Variants in EYS observed in about 807,000 individuals in gnomAD.
EYS encodes protein eyes shut homolog.
A neutral mutation model predicts 282.1 loss-of-function variants in EYS; 250 were observed. That is an observed-to-expected ratio of 0.89 (90% CI 0.80 to 0.98). The LOEUF (loss-of-function observed/expected upper bound fraction) is 0.98. EYS is among the 50% of genes least tolerant of loss of function. The pLI is 0.00. For synonymous variants in EYS, 1,355 were observed against 1,282.9 expected (o/e 1.06, Z -1.20); for missense variants, 4,016 against 3,709.0 (o/e 1.08, Z -2.15).
At chr6:64,345,776 G>C (rs1771361534) in intron 29 of EYS, among the ~76,000 whole-genome samples, 1 of 151,980 alleles carries the variant, frequency 6.6e-6, no homozygotes, top group Non-Finnish European at 1.5e-5. Flanking sequence ...CCTACAGAAT[G>C]GGAGAAAATT....
At chr6:65,254,722 T>C (rs1767414467) in intron 12 of EYS, among the ~76,000 whole-genome samples, 1 of 151,826 alleles carries the variant, frequency 6.6e-6, no homozygotes, top group Admixed American at 6.6e-5. Context: ...AATAAGTGGA[T>C]GTTTGGTGCC....
chr6:64,369,732 T>G (rs556809106), intron 29 of EYS, among the ~76,000 whole-genome samples: 2 of 151,934 alleles, frequency 1.3e-5, no homozygotes, highest in Admixed American at 6.6e-5. Context: ...TCCCATAGTC[T>G]TTGTCCTAAA....
At chr6:64,399,100 A>C (rs1773468786) in intron 28 of EYS, among the ~76,000 whole-genome samples, 1 of 151,882 alleles carries the variant, frequency 6.6e-6, no homozygotes, top group South Asian at 2.1e-4. Context: ...TAGCAACAAT[A>C]GTTATTCACT....
chr6:64,683,514 C>T (rs1306724030), intron 22 of EYS, among the ~76,000 whole-genome samples: 1 of 152,048 alleles, frequency 6.6e-6, no homozygotes, highest in Non-Finnish European at 1.5e-5. Flanking sequence ...AAGAAACTAT[C>T]AGTGAAATTG....
intron 22 of EYS, among the ~76,000 whole-genome samples, chr6:64,652,372 A>G (rs1768593764): frequency 6.6e-6 from 1 of 152,202 alleles, no homozygotes; most frequent in Admixed American, 6.5e-5. Context: ...AGAAGGAAGC[A>G]ATAATTTGCA....
chr6:65,262,972 A>G (rs1767657506), intron 12 of EYS, among the ~76,000 whole-genome samples: 1 of 152,158 alleles, frequency 6.6e-6, no homozygotes, highest in African/African-American at 2.4e-5. Flanking sequence ...GTTATGAAGT[A>G]GAAATGGTTA....
At chr6:65,540,144 G>GC (rs1768109243) in intron 2 of EYS, among the ~76,000 whole-genome samples, 1 of 152,174 alleles carries the variant, frequency 6.6e-6, no homozygotes, top group Admixed American at 6.5e-5. Flanking sequence ...TAAGAGAAGA[G>GC]CTGGGTTTAG....
chr6:65,623,616 G>A (rs1766598652), intron 2 of EYS, among the ~76,000 whole-genome samples: 1 of 152,012 alleles, frequency 6.6e-6, no homozygotes, highest in African/African-American at 2.4e-5. Flanking sequence ...AAAAAAAATT[G>A]AAGCGATAAA....
At chr6:65,518,001 T>G (rs1176457058) in intron 2 of EYS, among the ~76,000 whole-genome samples, 1 of 152,028 alleles carries the variant, frequency 6.6e-6, no homozygotes, top group East Asian at 1.9e-4. Context: ...AACGACATGA[T>G]TCTTAATAGA....
At chr6:63,967,403 TG>T (rs1183139818) in intron 35 of EYS, among the ~76,000 whole-genome samples, 1 of 152,230 alleles carries the variant, frequency 6.6e-6, no homozygotes, top group Admixed American at 6.5e-5. Context: ...GTAGCCTGTG[TG>T]GTGTTAATGG....
chr6:65,026,640 G>A (rs1046922237), intron 13 of EYS, among the ~76,000 whole-genome samples: 15 of 152,232 alleles, frequency 9.9e-5, no homozygotes, highest in Middle Eastern at 6.8e-3. Flanking sequence ...GATATTGGCC[G>A]GGCATGGTGG....
In EYS at chr6:63,999,070, C is replaced by T; in HGVS notation, c.6834+5G>A. Reference sequence around the variant, plus strand: ...GTGTTTGGAACTGGATATTTGCATACCTACCTGAGAGGCATGGGAAATCTC... The same window carrying T: ...GTGTTTGGAACTGGATATTTGCATATCTACCTGAGAGGCATGGGAAATCTC... On this transcript the variant is annotated splice_donor_5th_base_variant and intron_variant, in intron 34 of 42. Coordinates refer to ENST00000503581, the MANE Select transcript of EYS (RefSeq NM_001142800.2). The T allele has an allele frequency of 3.3e-6, 5 of 1,527,786 alleles. No homozygotes were observed. The highest frequency in any genetic ancestry group is 3.6e-6 in the Non-Finnish European group (4 of 1,124,812). The allele number at this position is 1,527,786 out of a possible 1,614,324, so 94.6% of individuals were successfully genotyped here.
chr6:64,329,066 G>A (rs1393398752), intron 29 of EYS, among the ~76,000 whole-genome samples: 1 of 152,138 alleles, frequency 6.6e-6, no homozygotes, highest in Non-Finnish European at 1.5e-5. Context: ...ATTATTATGA[G>A]GACTGAGACA....
At chr6:64,169,337 GA>G (rs969562603) in intron 31 of EYS, among the ~76,000 whole-genome samples, 2 of 151,608 alleles carry the variant, frequency 1.3e-5, no homozygotes, top group African/African-American at 4.8e-5. Context: ...CGTGATCAGA[GA>G]TATACAAGGA....
At chr6:65,685,810 G>A (rs949980672) in intron 1 of EYS, among the ~76,000 whole-genome samples, 16 of 151,882 alleles carry the variant, frequency 1.1e-4, no homozygotes, top group Non-Finnish European at 1.5e-5. Context: ...CATTCTAGAA[G>A]GTACAACAAT....
intron 12 of EYS, among the ~76,000 whole-genome samples, chr6:65,125,361 A>G (rs1036611864): frequency 6.6e-6 from 1 of 152,154 alleles, no homozygotes; most frequent in African/African-American, 2.4e-5. Flanking sequence ...AAGTAACTTA[A>G]TGCTGTCACT....
intron 41 of EYS, chr6:63,744,805 T>C (rs189963495): frequency 2.6e-4 from 56 of 215,504 alleles, no homozygotes; most frequent in Middle Eastern, 2.0e-3. Flanking sequence ...TGACCTCAGG[T>C]GATTTGCCCG....
At chr6:63,772,874 A>AT (rs535036036) in intron 40 of EYS, among the ~76,000 whole-genome samples, 8 of 151,730 alleles carry the variant, frequency 5.3e-5, no homozygotes, top group East Asian at 1.9e-4. Flanking sequence ...GTAATCTTGC[A>AT]TTTTTTTCTT....
intron 2 of EYS, among the ~76,000 whole-genome samples, chr6:65,581,684 A>T (rs2127360873): frequency 6.6e-6 from 1 of 152,260 alleles, no homozygotes; most frequent in South Asian, 2.1e-4. Context: ...ATAAGTACCT[A>T]TATTCACCTA....
Sources: gnomAD v4.1 joint callset for allele counts (sites outside exome capture counted in the v4.1 genomes callset) on GRCh38, gnomAD v4.1.1 for gene constraint, MANE v1.5 for transcripts, NCBI Gene and HGNC (gene_info 2026-07-23, HGNC 2026-07-21) for gene names.